The following SENP1 variants were observed in gnomAD, a reference collection of about 807,000 sequenced individuals.
SENP1 encodes the protein SUMO specific peptidase 1.
A neutral mutation model predicts 93.0 loss-of-function variants in SENP1; 21 were observed. That is an observed-to-expected ratio of 0.23 (90% confidence interval 0.16 to 0.33). SENP1 has a LOEUF of 0.33. Among genes scored for constraint, SENP1 ranks in the 10% least tolerant of loss-of-function variants. SENP1 has a pLI of 1.00. For synonymous variants in SENP1, 256 were observed against 259.6 expected, an observed-to-expected ratio of 0.99 and a Z score of 0.13; for missense variants, 591 against 758.7, an observed-to-expected ratio of 0.78 and a Z score of 2.60.
intron 5 of SENP1, among the ~76,000 whole-genome samples, chr12:48,084,337 A>T (rs898837362): frequency 3.9e-5 from 6 of 152,192 alleles, no homozygotes; most frequent in Admixed American, 3.9e-4. Context: ...ACTTCCTCTG[A>T]AGAATTTTTT....
chr12:48,078,025 T>G (rs1592395312), intron 6 of SENP1, among the ~76,000 whole-genome samples: 1 of 152,150 alleles, frequency 6.6e-6, no homozygotes, highest in East Asian at 1.9e-4. Flanking sequence ...AGTATGGCCA[T>G]TTAAACAATA....
intron 13 of SENP1, among the ~76,000 whole-genome samples, chr12:48,050,344 C>T (rs1941704350): frequency 6.6e-6 from 1 of 152,204 alleles, no homozygotes; most frequent in South Asian, 2.1e-4. Flanking sequence ...GGGAACACTG[C>T]CAGGAACACA....
At chr12:48,083,459 A>G (rs1944629170) in intron 6 of SENP1, 132 bp downstream of exon 6, 2 of 736,984 alleles carry the variant, frequency 2.7e-6, no homozygotes, top group Non-Finnish European at 4.6e-6. Context: ...AAAAAGAGTA[A>G]TTCAGACAGA....
intron 17 of SENP1, 94 bp from the exon 18 acceptor site, chr12:48,045,478 C>T: frequency 1.0e-6 from 1 of 970,044 alleles, no homozygotes; most frequent in East Asian, 2.5e-5. Flanking sequence ...AGGTTTTCAA[C>T]AAACAGTCTC....
chr12:48,071,263 C>T lies in SENP1; in HGVS notation c.995+404G>A, dbSNP rs574759147. 2.0e-5 allele frequency among the ~76,000 whole-genome samples: 3 copies of T among 152,226 alleles called. 1 individual carries two copies. Among genetic ancestry groups the T allele is most frequent in the Admixed American group, 2.0e-4 (3 of 15,284 alleles). On this transcript the variant is annotated intron_variant, in intron 9 of 17. Coordinates refer to ENST00000549518, the MANE Select transcript of SENP1 (RefSeq NM_001267594.2). ...AAAGGTCTGAATTGAGGTAGTTTTACATTATGTAACTTTTAGTGAAAAAGC... is the reference window on the plus strand; with the variant it reads ...AAAGGTCTGAATTGAGGTAGTTTTATATTATGTAACTTTTAGTGAAAAAGC...
intron 6 of SENP1, among the ~76,000 whole-genome samples, chr12:48,076,595 G>T (rs940683429): frequency 6.6e-6 from 1 of 151,562 alleles, no homozygotes; most frequent in African/African-American, 2.4e-5. Flanking sequence ...GCCTCCCAAA[G>T]TGCTGGGATT....
At position 48,057,941 on chromosome 12, in the gene SENP1, C is replaced by CTTTTT. The variant is rs370210767; in HGVS notation, c.1407+5764_1407+5768dup. 8.5e-3 allele frequency among the ~76,000 whole-genome samples: 726 copies of CTTTTT among 85,660 alleles called. 8 individuals carry two copies. The highest frequency in any genetic ancestry group is 0.02 in the East Asian group (51 of 2,506). 56.2% of individuals were successfully genotyped at this position (85,660 alleles called of 152,430 possible). A position where few individuals can be genotyped will look rare whatever the true frequency, so the allele number is the denominator to read the frequency against. On this transcript the variant is annotated intron_variant, in intron 13 of 17. Transcript: ENST00000549518. ...TTTCACCTGTTTCATTTTATTTCCT[C>CTTTTT]TTTTTTTTTTTTTTTTTTTTTTTGA...
chr12:48,070,197 G>C (rs892560017), intron 9 of SENP1, among the ~76,000 whole-genome samples: 4 of 152,130 alleles, frequency 2.6e-5, no homozygotes, highest in African/African-American at 7.2e-5. Flanking sequence ...TGAATGTGAA[G>C]GTAAGAAATG....
chr12:48,065,705 C>G (rs17122612), intron 10 of SENP1, 25 bp from the exon 11 acceptor site: 291,966 of 1,398,324 alleles, frequency 0.21, 36,197 homozygotes, highest in East Asian at 0.56. Flanking sequence ...GGAACGTGAC[C>G]AAATGTAGAC....
At chr12:48,105,146 G>A (rs1270901593) in intron 1 of SENP1, 1 of 263,430 alleles carries the variant, frequency 3.8e-6, no homozygotes. Context: ...GTTGGTAGTA[G>A]ATAAAAGGCT....
rs557456713 is a variant in SENP1 at position 48,090,756 on chromosome 12, A to G, written c.221-1796T>C. 5.7e-4 allele frequency among the ~76,000 whole-genome samples: 87 copies of G among 152,118 alleles called. 1 individual carries two copies. The South Asian group carries it at 0.017, about 30-fold the overall frequency. On this transcript the variant is annotated intron_variant, in intron 4 of 17. Transcript: ENST00000549518. ...GGATCACAGGTGCATACCATCATAC[A>G]TGCCTAATTTTTCTATTGTTTTGGA...
chr12:48,058,636 C>T (rs747153110), intron 13 of SENP1, among the ~76,000 whole-genome samples: 1 of 152,080 alleles, frequency 6.6e-6, no homozygotes, highest in Non-Finnish European at 1.5e-5. Context: ...CTTCTTTGTG[C>T]TGTGATTATA....
At chr12:48,068,488 A>T (rs2136990552) in intron 9 of SENP1, among the ~76,000 whole-genome samples, 1 of 152,326 alleles carries the variant, frequency 6.6e-6, no homozygotes, top group South Asian at 2.1e-4. Flanking sequence ...ACAGAAATGA[A>T]AAAGGAGGTT....
chr12:48,063,941 C>A (rs142542042), intron 12 of SENP1, 100 bp from the exon 13 acceptor site: 190 of 1,120,568 alleles, frequency 1.7e-4, no homozygotes, highest in Non-Finnish European at 2.3e-4. Flanking sequence ...TATTTATCAC[C>A]ATTCGATTGT....
chr12:48,067,715 T>C (rs937972556), intron 9 of SENP1, among the ~76,000 whole-genome samples: 2 of 152,282 alleles, frequency 1.3e-5, no homozygotes, highest in East Asian at 3.9e-4. Flanking sequence ...GGCTCATTCC[T>C]GTAATCCCAG....
chr12:48,089,035 C>A, intron 4 of SENP1, 75 bp from the exon 5 acceptor site: 1 of 1,533,110 alleles, frequency 6.5e-7, no homozygotes, highest in Non-Finnish European at 8.8e-7. Flanking sequence ...CCATGACCAA[C>A]CATTGTATTC....
intron 5 of SENP1, 57 bp downstream of exon 5, chr12:48,088,744 G>A: frequency 6.7e-7 from 1 of 1,499,394 alleles, no homozygotes; most frequent in East Asian, 2.3e-5. Flanking sequence ...CTACCTTTTA[G>A]TCACTTTCTC....
chr12:48,060,399 T>C (rs917941963), intron 13 of SENP1, among the ~76,000 whole-genome samples: 1 of 152,212 alleles, frequency 6.6e-6, no homozygotes, highest in Admixed American at 6.6e-5. Context: ...CCTAAAGCAG[T>C]ACTCAGGATA....
intron 1 of SENP1, among the ~76,000 whole-genome samples, chr12:48,103,779 G>T (rs2137368909): frequency 6.6e-6 from 1 of 152,258 alleles, no homozygotes; most frequent in Middle Eastern, 3.4e-3. Context: ...GTTAGTAGTG[G>T]AACACAAGAT....
Sources: allele counts gnomAD v4.1 joint callset (sites outside exome capture counted in the v4.1 genomes callset), GRCh38; gene constraint gnomAD v4.1.1; transcripts MANE v1.5; gene names NCBI Gene and HGNC (gene_info 2026-07-23, HGNC 2026-07-21).